The following SCAPER variants were observed in gnomAD, a reference collection of about 807,000 sequenced individuals.
The protein encoded by SCAPER is S phase cyclin A-associated protein in the endoplasmic reticulum.
In SCAPER, 98 loss-of-function variants were observed where a neutral mutation model predicts 182.2. That is an observed-to-expected ratio of 0.54 (90% CI 0.46 to 0.64). The LOEUF (loss-of-function observed/expected upper bound fraction) is 0.64, where lower values mean the gene tolerates loss of function less well. Among genes scored for constraint, SCAPER ranks in the 30% least tolerant of loss-of-function variants. The pLI, the probability that SCAPER is intolerant of heterozygous loss-of-function variation, is 0.00. For missense variants in SCAPER, 1,432 were observed against 1,690.0 expected, an observed-to-expected ratio of 0.85 and a Z score of 2.68; for synonymous variants, 605 against 564.6, an observed-to-expected ratio of 1.07 and a Z score of -1.01.
intron 2 of SCAPER, among the ~76,000 whole-genome samples, chr15:76,866,500 C>T (rs1471669165): frequency 6.6e-6 from 1 of 152,128 alleles, no homozygotes; most frequent in Non-Finnish European, 1.5e-5. Flanking sequence ...CACAGACACA[C>T]ATTCAAAGAA....
intron 11 of SCAPER, 142 bp downstream of exon 11, chr15:76,766,776 A>G (rs2151288334): frequency 1.5e-6 from 1 of 663,522 alleles, no homozygotes; most frequent in Non-Finnish European, 2.4e-6. Flanking sequence ...CACCCTGAGA[A>G]TAATAGTTAT....
rs1265229934 is a variant in SCAPER at position 76,603,272 on chromosome 15, G to A, written c.2711+18492C>T. Among the ~76,000 whole-genome samples the A allele has an allele frequency of 1.0e-4, 12 of 118,852 alleles. 2 individuals carry two copies. The highest frequency in any genetic ancestry group is 2.0e-4 in the African/African-American group (8 of 39,204). 78.0% of individuals were successfully genotyped at this position (118,852 alleles called of 152,430 possible). On this transcript the variant is annotated intron_variant, in intron 22 of 31. Transcript: ENST00000563290. ...CATTGTTCAATTCCCACCTATGAGCGAGAACATGCGGTGTTTTTTTGTCCT... is the reference window on the plus strand; with the variant it reads ...CATTGTTCAATTCCCACCTATGAGCAAGAACATGCGGTGTTTTTTTGTCCT...
At chr15:76,709,133 T>TTTTA (rs773313939) in intron 17 of SCAPER, among the ~76,000 whole-genome samples, 2 of 152,068 alleles carry the variant, frequency 1.3e-5, no homozygotes, top group Non-Finnish European at 1.5e-5. Flanking sequence ...AACAACTTTA[T>TTTTA]TTTATTTATT....
intron 21 of SCAPER, among the ~76,000 whole-genome samples, chr15:76,644,021 C>T (rs1421968156): frequency 6.6e-6 from 1 of 152,100 alleles, no homozygotes; most frequent in African/African-American, 2.4e-5. Context: ...CATATTAAGA[C>T]AGTAATTATT....
At chr15:76,403,768 C>A (rs1324663382) in intron 27 of SCAPER, among the ~76,000 whole-genome samples, 3 of 152,134 alleles carry the variant, frequency 2.0e-5, no homozygotes, top group Non-Finnish European at 4.4e-5. Context: ...AGGGATATGT[C>A]ATATTCCTAT....
At chr15:76,524,643 G>T (rs576311211) in intron 23 of SCAPER, among the ~76,000 whole-genome samples, 11 of 128,650 alleles carry the variant, frequency 8.6e-5, no homozygotes, top group African/African-American at 3.2e-4. Flanking sequence ...GCTTTAAGAT[G>T]TTTAAGATAG....
intron 7 of SCAPER, among the ~76,000 whole-genome samples, chr15:76,799,791 G>A (rs991096446): frequency 6.6e-6 from 1 of 152,076 alleles, no homozygotes; most frequent in Non-Finnish European, 1.5e-5. Flanking sequence ...TCCAGAGCAG[G>A]GTGCTTTTGG....
Position 76,427,706 on chromosome 15 carries a change from G to C in SCAPER, c.3311+6372C>G, listed in dbSNP as rs185893279. Among the ~76,000 whole-genome samples, 163 of 152,170 alleles carry C rather than the reference G, an allele frequency of 1.1e-3. 3 individuals are homozygous for C. The highest frequency in any genetic ancestry group is 3.5e-3 in the African/African-American group (147 of 41,488). ...ATAAAAAAAATTAAAAAATTAGCTG[G>C]TGGGTCACCTGAGGTCAGGAGTTCT... On this transcript the variant is annotated intron_variant, in intron 26 of 31. Coordinates refer to ENST00000563290, the MANE Select transcript of SCAPER (RefSeq NM_020843.4).
chr15:76,755,917 T>A (rs2062396037), intron 14 of SCAPER, among the ~76,000 whole-genome samples: 1 of 152,074 alleles, frequency 6.6e-6, no homozygotes, highest in African/African-American at 2.4e-5. Context: ...TGGAAGTGGA[T>A]CCTCCAGACC....
At chr15:76,652,371 C>CACACACATATATATATAT (rs764864981) in intron 21 of SCAPER, among the ~76,000 whole-genome samples, 31 of 8,034 alleles carry the variant, frequency 3.9e-3, no homozygotes, top group Non-Finnish European at 5.4e-3. Flanking sequence ...CACACACACA[C>CACACACATATATATATAT]ATATATATAT....
chr15:76,703,918 A>T (rs1010129521), intron 18 of SCAPER, among the ~76,000 whole-genome samples: 2 of 152,158 alleles, frequency 1.3e-5, no homozygotes, highest in Non-Finnish European at 1.5e-5. Context: ...AGTAAAATAC[A>T]GTCTTCTACC....
intron 20 of SCAPER, among the ~76,000 whole-genome samples, chr15:76,700,410 G>T (rs1217702346): frequency 3.9e-5 from 6 of 152,186 alleles, no homozygotes; most frequent in African/African-American, 1.4e-4. Context: ...CTGCAGCTAG[G>T]ATTCCAGAGG....
At chr15:76,836,240 C>A (rs2068940893) in intron 5 of SCAPER, among the ~76,000 whole-genome samples, 1 of 152,032 alleles carries the variant, frequency 6.6e-6, no homozygotes, top group Non-Finnish European at 1.5e-5. Context: ...TCATGTGGAA[C>A]CAAAAAAGAG....
At chr15:76,711,898 T>A (rs987674191) in intron 17 of SCAPER, among the ~76,000 whole-genome samples, 1 of 152,310 alleles carries the variant, frequency 6.6e-6, no homozygotes, top group East Asian at 1.9e-4. Context: ...GCCTGTTCAC[T>A]CTGATGGCAG....
intron 5 of SCAPER, among the ~76,000 whole-genome samples, chr15:76,820,268 T>C (rs1461238765): frequency 1.3e-5 from 2 of 152,140 alleles, no homozygotes; most frequent in African/African-American, 4.8e-5. Context: ...TAAATCATGC[T>C]GCTATAAAGA....
intron 2 of SCAPER, among the ~76,000 whole-genome samples, chr15:76,877,019 T>C (rs1031019679): frequency 6.6e-6 from 1 of 152,078 alleles, no homozygotes; most frequent in Non-Finnish European, 1.5e-5. Flanking sequence ...GAGGATTGCT[T>C]GAGTCCAGGA....
chr15:76,449,697 G>A (rs188036681), intron 25 of SCAPER, among the ~76,000 whole-genome samples: 26 of 152,160 alleles, frequency 1.7e-4, no homozygotes, highest in African/African-American at 6.0e-4. Flanking sequence ...TTTCCTCCAC[G>A]CCTCTTGCAC....
intron 6 of SCAPER, among the ~76,000 whole-genome samples, chr15:76,800,588 G>A (rs1346980660): frequency 1.3e-5 from 2 of 152,132 alleles, no homozygotes; most frequent in African/African-American, 4.8e-5. Context: ...ATTTTCTACC[G>A]ACTGCAGCAC....
chr15:76,761,460 G>C (rs2062783868), intron 14 of SCAPER, among the ~76,000 whole-genome samples: 1 of 152,046 alleles, frequency 6.6e-6, no homozygotes, highest in African/African-American at 2.4e-5. Flanking sequence ...TCAGAGTCTT[G>C]TTTTGCTACA....
Sources: allele counts gnomAD v4.1 joint callset (sites outside exome capture counted in the v4.1 genomes callset), GRCh38; gene constraint gnomAD v4.1.1; transcripts MANE v1.5; gene names NCBI Gene and HGNC (gene_info 2026-07-23, HGNC 2026-07-21).